NUP160: variants seen among roughly 807,000 people sequenced by gnomAD.
NUP160 encodes the protein nuclear pore complex protein Nup160.
In NUP160, 94 loss-of-function variants were observed where a neutral mutation model predicts 196.9. The observed-to-expected ratio is 0.48, with a 90% CI of 0.40 to 0.57. The LOEUF (loss-of-function observed/expected upper bound fraction) is 0.57. Ranked by LOEUF, NUP160 falls within the 20% of genes least tolerant of loss-of-function variation. The pLI, the probability that NUP160 is intolerant of heterozygous loss-of-function variation, is 0.00. For missense variants in NUP160, 1,638 were observed against 1,748.3 expected (o/e 0.94, Z 1.13); for synonymous variants, 605 against 619.7 (o/e 0.98, Z 0.35).
At chr11:47,813,036 C>T (rs761474196) in exon 15 of NUP160, 7 of 1,605,468 alleles carry the variant, frequency 4.4e-6, no homozygotes, top group South Asian at 1.1e-5. Flanking sequence ...ACATCCCGAG[C>T]GATGTCCACA....
chr11:47,835,565 G>C (rs1435945351), intron 7 of NUP160, 86 bp downstream of exon 7: 1 of 1,154,160 alleles, frequency 8.7e-7, no homozygotes, highest in Admixed American at 2.8e-5. Flanking sequence ...GGTGAAAAGA[G>C]CTTGAACAGA....
At chr11:47,847,899 T>A in exon 2 of NUP160, 1 of 1,614,178 alleles carries the variant, frequency 6.2e-7, no homozygotes, top group Non-Finnish European at 8.5e-7. Context: ...ACTCTCCACG[T>A]AGTAAAAGCC....
At chr11:47,802,100 T>A (rs2097674496) in intron 22 of NUP160, among the ~76,000 whole-genome samples, 170 bp from the exon 23 acceptor site, 1 of 152,210 alleles carries the variant, frequency 6.6e-6, no homozygotes, top group Non-Finnish European at 1.5e-5. Context: ...GCATTCATAT[T>A]TTTAAAAATG....
At chr11:47,825,135 C>T (rs556460835) in intron 7 of NUP160, among the ~76,000 whole-genome samples, 35 of 151,954 alleles carry the variant, frequency 2.3e-4, no homozygotes, top group African/African-American at 7.7e-4. Context: ...CGCGCCCAGC[C>T]GGACTTTTAT....
Position 47,836,961 on chromosome 11 carries a change from C to T in NUP160, c.868G>A (p.Val290Ile), listed in dbSNP as rs1852188105. The change falls in exon 6 of 36, where the codon GTT (valine) becomes ATT (isoleucine). Residue 290 changes from valine (V) to isoleucine (I), a missense_variant. By Grantham distance (29) the Val-to-Ile change is conservative. Around this residue, in one of 3 missense-constraint regions of NUP160, gnomAD observed 1,345 missense variants for 1,470.2 expected, o/e 0.91. Coordinates refer to ENST00000378460, the Ensembl canonical transcript of NUP160. Reference sequence around the variant, plus strand: ...AAGGCATCATGCTCCACACAATGAACAGCAAGACTGAGGGGACGATCTGAA... The same window carrying T: ...AAGGCATCATGCTCCACACAATGAATAGCAAGACTGAGGGGACGATCTGAA... 1.9e-6 allele frequency: 3 copies of T among 1,613,864 alleles called. No homozygotes were observed. Among genetic ancestry groups the T allele is most frequent in the Non-Finnish European group, 2.5e-6 (3 of 1,179,764 alleles).
At chr11:47,838,455 CCCAGCA>C (rs1852223568) in intron 4 of NUP160, among the ~76,000 whole-genome samples, 1 of 152,160 alleles carries the variant, frequency 6.6e-6, no homozygotes, top group African/African-American at 2.4e-5. Context: ...CACCTGTAAT[CCCAGCA>C]CTTTGGGAAG....
chr11:47,819,183 C>T (rs565935270), intron 10 of NUP160, among the ~76,000 whole-genome samples, 191 bp downstream of exon 10: 5 of 151,874 alleles, frequency 3.3e-5, no homozygotes, highest in African/African-American at 9.7e-5. Flanking sequence ...TGTGGTGGTA[C>T]GTGACTGTAG....
chr11:47,812,107 T>TCTCTGCAGATCAGGAAACGA lies in NUP160; in HGVS notation c.2178_2197dup (p.Asp733ValfsTer4). The TCTCTGCAGATCAGGAAACGA allele has an allele frequency of 6.2e-7, 1 of 1,614,104 alleles. No individual in the cohort carries two copies. The highest frequency in any genetic ancestry group is 8.5e-7 in the Non-Finnish European group (1 of 1,180,018). ...TAACAGCTGCTGTAAGATCAAAAGA[T>TCTCTGCAGATCAGGAAACGA]CTCTGCAGATCAGGAAACGAGTACT... On this transcript the variant is annotated stop_gained and frameshift_variant, in exon 17 of 36. Coordinates refer to ENST00000378460, the Ensembl canonical transcript of NUP160. LOFTEE classifies it high-confidence loss of function.
intron 2 of NUP160, among the ~76,000 whole-genome samples, chr11:47,846,403 A>G (rs2135408005): frequency 6.6e-6 from 1 of 152,288 alleles, no homozygotes; most frequent in East Asian, 1.9e-4. Context: ...CAAATTTACT[A>G]TGTCCAATAG....
chr11:47,789,877 C>G (rs2097666900), intron 29 of NUP160, among the ~76,000 whole-genome samples: 1 of 151,828 alleles, frequency 6.6e-6, no homozygotes, highest in Non-Finnish European at 1.5e-5. Context: ...TAGCCTACTA[C>G]TGACCAGAAG....
At chr11:47,814,465 C>T (rs1448503870) in intron 13 of NUP160, among the ~76,000 whole-genome samples, 2 of 150,470 alleles carry the variant, frequency 1.3e-5, no homozygotes, top group African/African-American at 4.9e-5. Context: ...CGCTTGAACT[C>T]AGTAGGCGGA....
At chr11:47,799,361 C>T (rs1480584485) in intron 23 of NUP160, among the ~76,000 whole-genome samples, 6 of 152,244 alleles carry the variant, frequency 3.9e-5, no homozygotes, top group South Asian at 2.1e-4. Context: ...GCTAAGGTTA[C>T]AGGCGTGAGC....
At chr11:47,837,726 G>A (rs114211421) in intron 4 of NUP160, 103 bp from the exon 5 acceptor site, 125 of 792,078 alleles carry the variant, frequency 1.6e-4, no homozygotes, top group African/African-American at 1.5e-3. Context: ...ACAGACTTCC[G>A]TATTTCTGTA....
intron 7 of NUP160, among the ~76,000 whole-genome samples, chr11:47,828,098 A>G (rs1852006487): frequency 6.6e-6 from 1 of 152,158 alleles, no homozygotes; most frequent in Non-Finnish European, 1.5e-5. Context: ...GGAACTCCTG[A>G]GCTCAAGCAA....
At chr11:47,809,075 T>C (rs1004529994) in intron 17 of NUP160, among the ~76,000 whole-genome samples, 2 of 151,308 alleles carry the variant, frequency 1.3e-5, no homozygotes, top group Non-Finnish European at 2.9e-5. Flanking sequence ...CACTCCAGCC[T>C]GGGTGACAGA....
chr11:47,808,407 T>C (rs768678176), exon 18 of NUP160: 17 of 1,612,726 alleles, frequency 1.1e-5, no homozygotes, highest in Middle Eastern at 1.7e-4. Context: ...GTGTGTCAAG[T>C]GGAACATCAG....
chr11:47,817,039 G>C (rs959852316), intron 11 of NUP160, among the ~76,000 whole-genome samples: 12 of 149,730 alleles, frequency 8.0e-5, no homozygotes, highest in African/African-American at 2.9e-4. Flanking sequence ...GCAGTGGCAT[G>C]ATCAAGGCTC....
chr11:47,810,437 C>T (rs914174138), intron 17 of NUP160, among the ~76,000 whole-genome samples: 3 of 152,072 alleles, frequency 2.0e-5, no homozygotes. Flanking sequence ...GCAACCAGGC[C>T]ACCTTGGCCT....
exon 34 of NUP160, chr11:47,783,112 A>G (rs756983456): frequency 1.2e-6 from 2 of 1,614,074 alleles, no homozygotes; most frequent in Non-Finnish European, 1.7e-6. Flanking sequence ...CCAATACAGC[A>G]TCCACATATT....
Sources: allele counts gnomAD v4.1 joint callset (sites outside exome capture counted in the v4.1 genomes callset), GRCh38; gene constraint gnomAD v4.1.1; regional missense constraint gnomAD v4.1.1; transcripts MANE v1.5; gene names NCBI Gene and HGNC (gene_info 2026-07-23, HGNC 2026-07-21).